POLN: variants seen among roughly 807,000 people sequenced by gnomAD.
The protein encoded by POLN is DNA polymerase N.
In POLN, 108 loss-of-function variants were observed where a neutral mutation model predicts 113.5. That is an observed-to-expected ratio of 0.95 (90% CI 0.81 to 1.12). The LOEUF (loss-of-function observed/expected upper bound fraction) is 1.12. POLN is among the 50% of genes most tolerant of loss of function. The probability of loss-of-function intolerance (pLI) is 0.00; values close to 1 mark genes in which losing one functional copy is unlikely to be tolerated. For synonymous variants in POLN, 386 were observed against 391.5 expected, an observed-to-expected ratio of 0.99 and a Z score of 0.17; for missense variants, 1,097 against 1,077.1, an observed-to-expected ratio of 1.02 and a Z score of -0.26.
At chr4:2,114,798 C>A (rs1417604238) in intron 19 of POLN, among the ~76,000 whole-genome samples, 1 of 152,036 alleles carries the variant, frequency 6.6e-6, no homozygotes, top group Non-Finnish European at 1.5e-5. Flanking sequence ...TTGGAAAATT[C>A]TCAGCCATCA....
intron 2 of POLN, chr4:2,231,929 A>T: frequency 1.6e-6 from 2 of 1,260,728 alleles, no homozygotes; most frequent in Non-Finnish European, 2.3e-6. Flanking sequence ...AGTAATTTTC[A>T]ATCTTCAAGA....
At chr4:2,081,321 A>G (rs1025057532) in intron 22 of POLN, 1 of 822,572 alleles carries the variant, frequency 1.2e-6, no homozygotes, top group African/African-American at 1.7e-5. Context: ...CCAAGTGCCA[A>G]GGAACTGAGC....
At chr4:2,221,032 A>G (rs1734239803) in intron 3 of POLN, among the ~76,000 whole-genome samples, 1 of 152,158 alleles carries the variant, frequency 6.6e-6, no homozygotes, top group African/African-American at 2.4e-5. Flanking sequence ...TCAAGACAGA[A>G]GCTCTCCATT....
Position 2,093,929 on chromosome 4 carries a change from G to A in POLN, c.2065+1922C>T, listed in dbSNP as rs1197960949. On this transcript the variant is annotated intron_variant, in intron 20 of 25. Coordinates refer to ENST00000511885, the MANE Select transcript of POLN (RefSeq NM_181808.4). This position sits in a 1 kb window ranked among gnomAD's most constrained non-coding sequence, Gnocchi z 4.1. ...GCCAGGCAGTGAGCTAACGTGATGA[G>A]CTCCTATCTTTGAGGTACTCATGTT... Among the ~76,000 whole-genome samples the A allele has an allele frequency of 6.6e-6, 1 of 152,350 alleles. No homozygotes were observed. The highest frequency in any genetic ancestry group is 2.4e-5 in the African/African-American group (1 of 41,570).
intron 13 of POLN, among the ~76,000 whole-genome samples, chr4:2,165,845 C>G (rs1446503023): frequency 6.6e-6 from 1 of 152,220 alleles, no homozygotes; most frequent in Admixed American, 6.5e-5. Flanking sequence ...GGTATAATCA[C>G]TGCTCAGTGC....
At chr4:2,105,559 G>A (rs1199843867) in intron 19 of POLN, among the ~76,000 whole-genome samples, 6 of 152,144 alleles carry the variant, frequency 3.9e-5, no homozygotes, top group Admixed American at 3.9e-4. Flanking sequence ...ATATATTTAT[G>A]AAAGTTCAGG....
chr4:2,085,842 T>C, intron 20 of POLN, 98 bp from the exon 21 acceptor site: 2 of 1,523,422 alleles, frequency 1.3e-6, no homozygotes, highest in Admixed American at 1.8e-5. Context: ...GCACTGGTCT[T>C]TTCTGATGGG....
At chr4:2,134,978 TCCC>T (rs1271061190) in intron 16 of POLN, among the ~76,000 whole-genome samples, 1 of 152,086 alleles carries the variant, frequency 6.6e-6, no homozygotes, top group Admixed American at 6.5e-5. Flanking sequence ...TGTGCACGCA[TCCC>T]CCCAATACTG....
intron 14 of POLN, 86 bp from the exon 15 acceptor site, chr4:2,157,997 G>A: frequency 9.6e-7 from 1 of 1,043,872 alleles, no homozygotes; most frequent in Non-Finnish European, 1.4e-6. Flanking sequence ...CATTGCCCAG[G>A]CTGGAGTGCA....
chr4:2,134,194 T>C (rs1364821912), intron 16 of POLN, among the ~76,000 whole-genome samples: 1 of 152,242 alleles, frequency 6.6e-6, no homozygotes, highest in Non-Finnish European at 1.5e-5. Flanking sequence ...TTGTAGCTTA[T>C]TCCTTTTTAT....
chr4:2,096,686 A>AAG (rs750844060), intron 19 of POLN, among the ~76,000 whole-genome samples: 21,913 of 129,706 alleles, frequency 0.17, 1,714 homozygotes, highest in Non-Finnish European at 0.2. Flanking sequence ...AGCCGAGAGA[A>AAG]AGAGAGAGAG....
rs1345307429 is a variant in POLN at position 2,127,072 on chromosome 4, CCTTT to C, written c.1982+1037_1982+1040del. Among the ~76,000 whole-genome samples, 1 of 151,840 alleles carries C rather than the reference CCTTT, an allele frequency of 6.6e-6. No individual in the cohort carries two copies. Among genetic ancestry groups the C allele is most frequent in the Non-Finnish European group, 1.5e-5 (1 of 67,940 alleles). On this transcript the variant is annotated intron_variant, in intron 19 of 25. Transcript: ENST00000511885. The surrounding 1 kb of genome is among the most constrained non-coding windows in gnomAD (Gnocchi z 4.7). ...TCTCCCACCCCCAGGTGCTGGGCAG[CCTTT>C]CTGTGTGACATCGTGAGGGTGAACA...
At chr4:2,103,564 G>A (rs557290933) in intron 19 of POLN, among the ~76,000 whole-genome samples, 9 of 152,138 alleles carry the variant, frequency 5.9e-5, no homozygotes, top group Non-Finnish European at 1.0e-4. Context: ...AAAAATTCCT[G>A]TCTAGCAAGA....
chr4:2,143,410 T>C (rs540305660), intron 16 of POLN, among the ~76,000 whole-genome samples: 7 of 152,180 alleles, frequency 4.6e-5, no homozygotes, highest in Admixed American at 6.5e-5. Flanking sequence ...GGAAATGTTA[T>C]GAAAAATCAC....
intron 3 of POLN, 102 bp downstream of exon 3, chr4:2,228,996 TG>T: frequency 8.5e-7 from 1 of 1,170,646 alleles, no homozygotes; most frequent in Non-Finnish European, 1.2e-6. Flanking sequence ...GGGCGGGAGC[TG>T]GGCTTCATCT....
chr4:2,213,801 A>C (rs1173914482), intron 3 of POLN, among the ~76,000 whole-genome samples: 1 of 152,258 alleles, frequency 6.6e-6, no homozygotes, highest in African/African-American at 2.4e-5. Context: ...ATAAAAAAAG[A>C]TCTGTACAAA....
intron 2 of POLN, chr4:2,229,761 T>G (rs1449945709): frequency 6.6e-6 from 1 of 152,218 alleles, no homozygotes; most frequent in East Asian, 1.9e-4. Flanking sequence ...AGGCAGAGGT[T>G]GCAGTGAGCT....
chr4:2,156,694 CAG>C (rs1732441921), intron 16 of POLN, 92 bp downstream of exon 16: 5 of 988,778 alleles, frequency 5.1e-6, no homozygotes, highest in African/African-American at 1.6e-5. Flanking sequence ...CTCTTGGAAA[CAG>C]AAAGTGCACA....
At chr4:2,222,695 CT>C (rs1314577025) in intron 3 of POLN, among the ~76,000 whole-genome samples, 1,775 of 129,310 alleles carry the variant, frequency 0.014, 16 homozygotes, top group African/African-American at 0.035. Context: ...CACCCACGGC[CT>C]TTTTTTTTTT....
Sources: allele counts gnomAD v4.1 joint callset (sites outside exome capture counted in the v4.1 genomes callset), GRCh38; gene constraint gnomAD v4.1.1; non-coding constraint Gnocchi (gnomAD v3.1); transcripts MANE v1.5; gene names NCBI Gene and HGNC (gene_info 2026-07-23, HGNC 2026-07-21).